The following SQOR variants were observed in gnomAD, a reference collection of about 807,000 sequenced individuals.
SQOR encodes sulfide:quinone oxidoreductase, mitochondrial.
In SQOR, 39 loss-of-function variants were observed where a neutral mutation model predicts 48.6. The ratio of observed to expected loss-of-function variants is 0.80; its 90% CI spans 0.62 to 1.05. SQOR has a LOEUF of 1.05. Among genes scored for constraint, SQOR ranks in the 50% least tolerant of loss-of-function variants. SQOR has a pLI of 0.00. For synonymous variants in SQOR, 220 were observed against 206.2 expected (o/e 1.07, Z -0.57); for missense variants, 561 against 559.9 (o/e 1.00, Z -0.02).
chr15:45,641,453 A>G (rs776894191), intron 1 of SQOR, among the ~76,000 whole-genome samples: 1 of 152,222 alleles, frequency 6.6e-6, no homozygotes, highest in African/African-American at 2.4e-5. Context: ...CTATTTCCCC[A>G]GTGACTCAGT....
intron 3 of SQOR, among the ~76,000 whole-genome samples, chr15:45,666,021 C>T (rs1566919794): frequency 6.6e-6 from 1 of 152,238 alleles, no homozygotes; most frequent in East Asian, 1.9e-4. Flanking sequence ...TCTCAAGGCC[C>T]TGTGTAGACT....
intron 7 of SQOR, among the ~76,000 whole-genome samples, chr15:45,686,416 T>C (rs1160513265): frequency 6.6e-6 from 1 of 152,130 alleles, no homozygotes; most frequent in Non-Finnish European, 1.5e-5. Flanking sequence ...CCTCCCAAAG[T>C]GCTGGGATTA....
intron 1 of SQOR, among the ~76,000 whole-genome samples, chr15:45,658,658 A>G (rs976966934): frequency 6.6e-6 from 1 of 152,188 alleles, no homozygotes; most frequent in Non-Finnish European, 1.5e-5. Context: ...ACCTGATTCA[A>G]ACAAAGTCCT....
intron 2 of SQOR, among the ~76,000 whole-genome samples, chr15:45,659,642 T>C (rs997778091): frequency 3.9e-5 from 6 of 152,200 alleles, no homozygotes; most frequent in Non-Finnish European, 8.8e-5. Context: ...TCTGCCTCCA[T>C]CTTCACAGAA....
intron 4 of SQOR, among the ~76,000 whole-genome samples, chr15:45,670,644 C>T (rs1475732565): frequency 6.6e-6 from 1 of 152,210 alleles, no homozygotes; most frequent in Non-Finnish European, 1.5e-5. Context: ...CAGGAAACAT[C>T]TGTGCTAACC....
intron 2 of SQOR, among the ~76,000 whole-genome samples, chr15:45,661,236 C>T (rs938788873): frequency 1.5e-5 from 2 of 137,872 alleles, no homozygotes; most frequent in African/African-American, 2.7e-5. Flanking sequence ...GAGCCGAGAT[C>T]GTGCCACTGC....
At chr15:45,638,813 TAAG>T (rs1895057068) in intron 1 of SQOR, among the ~76,000 whole-genome samples, 1 of 151,686 alleles carries the variant, frequency 6.6e-6, no homozygotes, top group African/African-American at 2.4e-5. Context: ...AGTATCCTTA[TAAG>T]AAGATGACTC....
chr15:45,678,942 A>G (rs183945266), intron 6 of SQOR, among the ~76,000 whole-genome samples: 3 of 151,886 alleles, frequency 2.0e-5, no homozygotes, highest in African/African-American at 7.2e-5. Flanking sequence ...CGTTTGAGTG[A>G]GCCCAAGTTG....
intron 3 of SQOR, among the ~76,000 whole-genome samples, chr15:45,667,397 G>A (rs958575434): frequency 3.3e-5 from 5 of 152,126 alleles, no homozygotes; most frequent in East Asian, 1.9e-4. Context: ...TAAGATGTTC[G>A]TGTCAGAGTT....
chr15:45,636,113 G>A (rs571837009), intron 1 of SQOR, among the ~76,000 whole-genome samples: 1 of 152,254 alleles, frequency 6.6e-6, no homozygotes, highest in African/African-American at 2.4e-5. Context: ...ACACGAGTGA[G>A]CCACCGCGCT....
intron 3 of SQOR, among the ~76,000 whole-genome samples, 160 bp from the exon 4 acceptor site, chr15:45,669,768 T>TCC (rs1042050555): frequency 1.3e-5 from 2 of 152,178 alleles, no homozygotes; most frequent in Non-Finnish European, 2.9e-5. Flanking sequence ...TGGGCAGGAC[T>TCC]CCCAACCTTG....
chr15:45,650,332 T>C (rs1889452875), intron 1 of SQOR, among the ~76,000 whole-genome samples: 1 of 152,170 alleles, frequency 6.6e-6, no homozygotes, highest in South Asian at 2.1e-4. Flanking sequence ...GTGTTACAGT[T>C]CTTAAAGGCG....
chr15:45,658,470 C>CT (rs1889655151), intron 1 of SQOR, among the ~76,000 whole-genome samples: 1 of 152,140 alleles, frequency 6.6e-6, no homozygotes, highest in Non-Finnish European at 1.5e-5. Context: ...TTGTAGGTCT[C>CT]TAATTGTGGA....
chr15:45,658,616 A>G (rs533604142), intron 1 of SQOR, among the ~76,000 whole-genome samples: 1 of 152,330 alleles, frequency 6.6e-6, no homozygotes, highest in African/African-American at 2.4e-5. Context: ...GGGTACAGAC[A>G]GGTTATTAGG....
chr15:45,649,037 C>T (rs1020055402), intron 1 of SQOR, among the ~76,000 whole-genome samples: 3 of 152,212 alleles, frequency 2.0e-5, no homozygotes, highest in African/African-American at 7.2e-5. Flanking sequence ...ATTAAGAATG[C>T]TCTGAGTAAT....
chr15:45,663,810 T>C (rs1225683221), intron 3 of SQOR, among the ~76,000 whole-genome samples: 1 of 152,156 alleles, frequency 6.6e-6, no homozygotes, highest in Non-Finnish European at 1.5e-5. Context: ...GAGTACCTGC[T>C]GTATAGCATT....
intron 1 of SQOR, 127 bp downstream of exon 1, chr15:45,635,235 G>C (rs1282307654): frequency 1.3e-5 from 2 of 152,322 alleles, no homozygotes; most frequent in South Asian, 2.1e-4. Flanking sequence ...CCGCAGACCC[G>C]GTGCGCCGCG....
At chr15:45,657,622 C>T (rs1889634941) in intron 1 of SQOR, among the ~76,000 whole-genome samples, 1 of 152,110 alleles carries the variant, frequency 6.6e-6, no homozygotes, top group Admixed American at 6.5e-5. Context: ...TTAACAGCCC[C>T]TCAGCTCCTC....
At chr15:45,690,764 C>T (rs1018119346) in intron 9 of SQOR, among the ~76,000 whole-genome samples, 8 of 152,216 alleles carry the variant, frequency 5.3e-5, no homozygotes, top group African/African-American at 1.9e-4. Flanking sequence ...CACATCCAGG[C>T]TCACACAGCA....
Sources: allele counts gnomAD v4.1 joint callset (sites outside exome capture counted in the v4.1 genomes callset), GRCh38; gene constraint gnomAD v4.1.1; transcripts MANE v1.5; gene names NCBI Gene and HGNC (gene_info 2026-07-23, HGNC 2026-07-21).